The following EML6 variants were observed in gnomAD, a reference collection of about 807,000 sequenced individuals.
The protein encoded by EML6 is echinoderm microtubule-associated protein-like 6.
EML6 carries 154 observed loss-of-function variants against 240.1 expected under a neutral mutation model. The ratio of observed to expected loss-of-function variants is 0.64; its 90% CI spans 0.56 to 0.73. The LOEUF is 0.73. Ranked by LOEUF, EML6 falls within the 30% of genes least tolerant of loss-of-function variation. The probability of loss-of-function intolerance (pLI) is 0.00; values close to 1 mark genes in which losing one functional copy is unlikely to be tolerated. For synonymous variants in EML6, 1,148 were observed against 899.0 expected (o/e 1.28, Z -4.95); for missense variants, 2,964 against 2,474.6 (o/e 1.20, Z -4.20).
intron 26 of EML6, among the ~76,000 whole-genome samples, chr2:54,926,268 A>G (rs757437260): frequency 4.1e-4 from 63 of 152,058 alleles, no homozygotes; most frequent in Non-Finnish European, 8.8e-5. Flanking sequence ...TGCCCAGCTA[A>G]TTTTTGTATT....
rs530148441 is a variant in EML6, at chr2:54,853,569, T to C, written c.1445-74T>C. 2.2e-5 allele frequency: 21 copies of C among 976,018 alleles called. No homozygotes were observed. In the African/African-American group the frequency reaches 2.7e-4, roughly 12 times the overall value. The allele number at this position is 976,018 out of a possible 1,614,324, so 60.5% of individuals were successfully genotyped here. A position where few individuals can be genotyped will look rare whatever the true frequency, so the allele number is the denominator to read the frequency against. On this transcript the variant is annotated intron_variant, in intron 10 of 41. Transcript: ENST00000356458. ...TGTATTTACAAAAGTTTTCTTAAAG[T>C]TTCAGATCTTTATAAAAAATAAATT...
chr2:54,810,803 C>T (rs934718436), intron 2 of EML6, among the ~76,000 whole-genome samples: 1 of 152,148 alleles, frequency 6.6e-6, no homozygotes, highest in East Asian at 1.9e-4. Context: ...CCTCACGGAG[C>T]ATACAATCTA....
At chr2:54,852,373 G>A (rs958587370) in intron 10 of EML6, among the ~76,000 whole-genome samples, 6 of 151,958 alleles carry the variant, frequency 3.9e-5, no homozygotes, top group Admixed American at 2.6e-4. Context: ...TTTGCTTGAC[G>A]TTACTTCATA....
intron 7 of EML6, 57 bp from the exon 8 acceptor site, chr2:54,843,990 G>A (rs960887139): frequency 1.9e-6 from 2 of 1,071,784 alleles, no homozygotes; most frequent in Non-Finnish European, 2.8e-6. Flanking sequence ...GTGTGTGTGT[G>A]TGTGTGTGTG....
At chr2:54,956,023 G>GTGTA (rs1676216981) in intron 32 of EML6, among the ~76,000 whole-genome samples, 1 of 151,848 alleles carries the variant, frequency 6.6e-6, no homozygotes, top group African/African-American at 2.4e-5. Flanking sequence ...GGGAACGTGT[G>GTGTA]TGTGTGTGTG....
chr2:54,900,054 C>T (rs1672976032), intron 22 of EML6, among the ~76,000 whole-genome samples: 1 of 152,186 alleles, frequency 6.6e-6, no homozygotes, highest in Non-Finnish European at 1.5e-5. Flanking sequence ...TTCCTCTTCT[C>T]ATTGAGAGCT....
At chr2:54,892,385 T>A in intron 18 of EML6, 69 bp from the exon 19 acceptor site, 1 of 990,114 alleles carries the variant, frequency 1.0e-6, no homozygotes, top group Non-Finnish European at 1.5e-6. Flanking sequence ...CTCATGGAAG[T>A]AGTCCTTCTA....
chr2:54,934,816 G>T (rs927011955), intron 28 of EML6, among the ~76,000 whole-genome samples: 1 of 152,146 alleles, frequency 6.6e-6, no homozygotes, highest in African/African-American at 2.4e-5. Context: ...CCTCCCAAGT[G>T]CTAGGATTCC....
chr2:54,852,907 C>G (rs1337240758), intron 10 of EML6, among the ~76,000 whole-genome samples: 2 of 152,240 alleles, frequency 1.3e-5, no homozygotes, highest in Non-Finnish European at 2.9e-5. Context: ...CTCTGGGGAA[C>G]ATCCCTGACC....
intron 17 of EML6, among the ~76,000 whole-genome samples, chr2:54,885,299 T>A (rs1672066483): frequency 6.6e-6 from 1 of 151,010 alleles, no homozygotes. Context: ...TATAAAAAAT[T>A]AGCCAGGCAT....
At chr2:54,830,993 T>C (rs1558587881) in intron 7 of EML6, among the ~76,000 whole-genome samples, 1 of 152,138 alleles carries the variant, frequency 6.6e-6, no homozygotes, top group African/African-American at 2.4e-5. Context: ...TTCTCTGCCA[T>C]AGAGTGTGGG....
intron 16 of EML6, among the ~76,000 whole-genome samples, 160 bp downstream of exon 16, chr2:54,871,765 T>C (rs1671271972): frequency 6.6e-6 from 1 of 152,270 alleles, no homozygotes; most frequent in African/African-American, 2.4e-5. Context: ...GTATGCCAGC[T>C]ACCCGCTCTT....
chr2:54,820,641 T>C (rs372320487), intron 5 of EML6, among the ~76,000 whole-genome samples, 179 bp downstream of exon 5: 23 of 152,282 alleles, frequency 1.5e-4, no homozygotes, highest in African/African-American at 5.3e-4. Context: ...GGCTCTCTCT[T>C]AGAAATGCAA....
At chr2:54,876,503 AC>A (rs1189954374) in intron 16 of EML6, among the ~76,000 whole-genome samples, 1 of 152,194 alleles carries the variant, frequency 6.6e-6, no homozygotes, top group Non-Finnish European at 1.5e-5. Flanking sequence ...CTCACCTCTT[AC>A]CCCGGCAAAA....
chr2:54,824,496 C>T (rs1467905669), intron 5 of EML6, among the ~76,000 whole-genome samples: 2 of 152,150 alleles, frequency 1.3e-5, no homozygotes, highest in African/African-American at 4.8e-5. Context: ...CCTACCTTAA[C>T]ATTGAATGAT....
chr2:54,895,067 A>G, intron 20 of EML6, 41 bp downstream of exon 20: 1 of 1,445,572 alleles, frequency 6.9e-7, no homozygotes, highest in Non-Finnish European at 9.5e-7. Flanking sequence ...TTGTATTCAT[A>G]GGGATGGAGA....
At chr2:54,949,533 T>C (rs1330293651) in intron 29 of EML6, among the ~76,000 whole-genome samples, 3 of 152,222 alleles carry the variant, frequency 2.0e-5, no homozygotes, top group East Asian at 3.8e-4. Flanking sequence ...AACTCAATTG[T>C]TGAGACTAGG....
chr2:54,867,028 C>G, intron 14 of EML6, 144 bp downstream of exon 14: 2 of 525,982 alleles, frequency 3.8e-6, no homozygotes, highest in Admixed American at 6.5e-5. Flanking sequence ...GCACTTGTAC[C>G]TGTGGTTGCT....
At chr2:54,835,862 A>G (rs374899261) in intron 7 of EML6, among the ~76,000 whole-genome samples, 5 of 152,128 alleles carry the variant, frequency 3.3e-5, no homozygotes, top group African/African-American at 1.2e-4. Flanking sequence ...CCCAGCCCCA[A>G]ATGTTGATAG....
Sources: allele counts gnomAD v4.1 joint callset (sites outside exome capture counted in the v4.1 genomes callset), GRCh38; gene constraint gnomAD v4.1.1; transcripts MANE v1.5; gene names NCBI Gene and HGNC (gene_info 2026-07-23, HGNC 2026-07-21).